TKTL1: variants seen among roughly 807,000 people sequenced by gnomAD.
The protein encoded by TKTL1 is transketolase-like protein 1.
In TKTL1, 1 loss-of-function variant was observed where a neutral mutation model predicts 39.3. That is an observed-to-expected ratio of 0.03 (90% CI 0.01 to 0.12). TKTL1 has a LOEUF of 0.12. TKTL1 is among the 10% of genes least tolerant of loss of function. The pLI, the probability that TKTL1 is intolerant of heterozygous loss-of-function variation, is 1.00. For synonymous variants in TKTL1, 262 were observed against 193.8 expected, an observed-to-expected ratio of 1.35 and a Z score of -2.92; for missense variants, 575 against 509.6, an observed-to-expected ratio of 1.13 and a Z score of -1.24.
chrX:154,299,554 C>G (rs1557165471), intron 1 of TKTL1, among the ~76,000 whole-genome samples: 1 of 110,395 alleles, frequency 9.1e-6, no homozygotes, highest in African/African-American at 3.3e-5. Context: ...TTTTAGTGTA[C>G]CCATCACCCA....
chrX:154,329,414 A>G, intron 12 of TKTL1, 102 bp from the exon 13 acceptor site: 1 of 876,041 alleles, frequency 1.1e-6, no homozygotes, highest in Non-Finnish European at 1.6e-6. Flanking sequence ...CATGAATCAG[A>G]TTTTCCCCTG....
At chrX:154,324,675 G>A (rs2067479583) in intron 9 of TKTL1, among the ~76,000 whole-genome samples, 1 of 111,613 alleles carries the variant, frequency 9.0e-6, no homozygotes, top group African/African-American at 3.3e-5. Flanking sequence ...CAGCATTCAG[G>A]AAGGGCTGAA....
intron 9 of TKTL1, among the ~76,000 whole-genome samples, chrX:154,324,229 C>T (rs1359836684): frequency 2.7e-5 from 3 of 111,554 alleles, no homozygotes; most frequent in African/African-American, 9.8e-5. Context: ...TCACTGCAGC[C>T]TCCGCCTCCC....
rs782476346 is a variant in TKTL1 at position 154,309,241 on chromosome X, C to A, written c.253-104C>A. On this transcript the variant is annotated intron_variant, in intron 2 of 12. Transcript: ENST00000369915. ...GGCGGGAGGGGCTGTTCGGATGGGA[C>A]GCTGCTACAGAGCTGACAGGAGCAG... The A allele has an allele frequency of 8.4e-4, 556 of 665,224 alleles. 5 individuals are homozygous for A. The South Asian group carries it at 0.012, about 15-fold the overall frequency. 54.8% of individuals were successfully genotyped at this position (665,224 alleles called of 1,213,427 possible). A position where few individuals can be genotyped will look rare whatever the true frequency, so the allele number is the denominator to read the frequency against.
intron 1 of TKTL1, among the ~76,000 whole-genome samples, chrX:154,296,438 G>A (rs2067228802): frequency 9.0e-6 from 1 of 111,051 alleles, no homozygotes; most frequent in Admixed American, 9.6e-5. Context: ...TCTAACCCAG[G>A]ATGTGAGGAT....
chrX:154,325,334 C>T lies in TKTL1; in HGVS notation c.1318-5C>T, dbSNP rs782396928. 4 of 1,205,898 alleles carry T rather than the reference C, an allele frequency of 3.3e-6. No homozygotes were observed. The highest frequency in any genetic ancestry group is 4.4e-5 in the Admixed American group (2 of 45,824). On this transcript the variant is annotated splice_polypyrimidine_tract_variant and splice_region_variant and intron_variant, in intron 9 of 12. Transcript: ENST00000369915. ...TTCTAAACCATGGCTCCATTTATGCCCTAGGGGATGTGCTTCATTCGGACC... is the reference window on the plus strand; with the variant it reads ...TTCTAAACCATGGCTCCATTTATGCTCTAGGGGATGTGCTTCATTCGGACC...
At chrX:154,302,497 T>G (rs1407902716) in intron 1 of TKTL1, among the ~76,000 whole-genome samples, 6 of 110,867 alleles carry the variant, frequency 5.4e-5, no homozygotes, top group Admixed American at 9.7e-5. Flanking sequence ...CCCCGTATCC[T>G]CACATGGTCG....
chrX:154,308,426 T>G (rs2148804228), intron 2 of TKTL1, among the ~76,000 whole-genome samples: 1 of 111,619 alleles, frequency 9.0e-6, no homozygotes, highest in African/African-American at 3.2e-5. Flanking sequence ...GGCAGACAGG[T>G]GCAAACAGTT....
chrX:154,305,533 CTTCT>C (rs782046586), intron 2 of TKTL1, 112 bp downstream of exon 2: 128 of 962,397 alleles, frequency 1.3e-4, no homozygotes, highest in Non-Finnish European at 1.8e-4. Context: ...TATTTTGGTT[CTTCT>C]TTCTTTGCAT....
chrX:154,300,768 C>T (rs1302711709), intron 1 of TKTL1, among the ~76,000 whole-genome samples: 1 of 111,074 alleles, frequency 9.0e-6, no homozygotes, highest in Non-Finnish European at 1.9e-5. Context: ...ATGATCTCGG[C>T]TCGCTGCAAC....
At chrX:154,307,951 A>G (rs1182280230) in intron 2 of TKTL1, among the ~76,000 whole-genome samples, 1 of 111,936 alleles carries the variant, frequency 8.9e-6, no homozygotes, top group Non-Finnish European at 1.9e-5. Context: ...GGGGAAGGTC[A>G]AGAGCAACCA....
chrX:154,311,750 CTA>C (rs1418554124), intron 5 of TKTL1, among the ~76,000 whole-genome samples: 2 of 111,169 alleles, frequency 1.8e-5, no homozygotes, highest in African/African-American at 6.6e-5. Flanking sequence ...TTTTAAAAGA[CTA>C]TAGACATTTT....
At chrX:154,318,422 G>A (rs1400091989) in intron 7 of TKTL1, among the ~76,000 whole-genome samples, 6 of 109,446 alleles carry the variant, frequency 5.5e-5, no homozygotes, top group African/African-American at 1.0e-4. Flanking sequence ...AGACCAGGCC[G>A]GGTGCGGTGG....
In TKTL1 at chrX:154,312,534, C is replaced by T. The variant is rs782276235; in HGVS notation, c.671-46C>T. ...TTTTTCAGGTGACCTCATAGGCACT[C>T]ACTAAATATTTATGGAATGGATGTC... is the stretch of plus-strand genomic sequence containing the variant. On this transcript the variant is annotated intron_variant, in intron 5 of 12. Coordinates refer to ENST00000369915, the MANE Select transcript of TKTL1 (RefSeq NM_012253.4). The T allele has an allele frequency of 3.5e-6, 4 of 1,158,697 alleles. No individual in the cohort carries two copies. In the Admixed American group the frequency reaches 7.0e-5, roughly 20 times the overall value.
At position 154,303,177 on chromosome X, in the gene TKTL1, T is replaced by A. The variant is rs374080187; in HGVS notation, c.135-2127T>A. Among the ~76,000 whole-genome samples the A allele has an allele frequency of 5.4e-4, 48 of 88,807 alleles. 1 individual carries two copies. The highest frequency in any genetic ancestry group is 3.8e-4 in the Admixed American group (3 of 7,942). 77.1% of individuals were successfully genotyped at this position (88,807 alleles called of 115,157 possible). ...CCTCTCATTCCCCATTTTTTAAAAT[T>A]TTTATTTATTTATTTATTTATTTAT... On this transcript the variant is annotated intron_variant, in intron 1 of 12. Transcript: ENST00000369915.
chrX:154,323,496 A>C (rs2067468756), intron 9 of TKTL1, among the ~76,000 whole-genome samples, 159 bp downstream of exon 9: 4 of 112,373 alleles, frequency 3.6e-5, no homozygotes, highest in Non-Finnish European at 5.6e-5. Context: ...GATTATGCAC[A>C]CAAACACATT....
intron 9 of TKTL1, among the ~76,000 whole-genome samples, chrX:154,324,593 C>T (rs782173729): frequency 1.8e-5 from 2 of 111,631 alleles, no homozygotes; most frequent in Non-Finnish European, 3.8e-5. Flanking sequence ...GGGAGACTGA[C>T]TGGAAGGAGG....
chrX:154,315,390 CAGG>C (rs2067391449), intron 7 of TKTL1, 53 bp downstream of exon 7: 1 of 1,074,887 alleles, frequency 9.3e-7, no homozygotes, highest in Non-Finnish European at 1.3e-6. Flanking sequence ...CCACTGGACA[CAGG>C]AGGCCCAGCC....
chrX:154,302,017 C>T (rs1557166051), intron 1 of TKTL1, among the ~76,000 whole-genome samples: 1 of 110,090 alleles, frequency 9.1e-6, no homozygotes, highest in East Asian at 2.8e-4. Context: ...ATGTTGGTTT[C>T]CTCGCTGTTT....
Sources: allele counts gnomAD v4.1 joint callset (sites outside exome capture counted in the v4.1 genomes callset), GRCh38; gene constraint gnomAD v4.1.1; transcripts MANE v1.5; gene names NCBI Gene and HGNC (gene_info 2026-07-23, HGNC 2026-07-21).